The following IDO1 variants were observed in gnomAD, a reference collection of about 807,000 sequenced individuals.
The protein encoded by IDO1 is indolamine 2,3 dioxygenase.
Under a neutral mutation model 38.8 loss-of-function variants are expected in IDO1, and 35 were observed. That is an observed-to-expected ratio of 0.90 (90% CI 0.69 to 1.20). IDO1 has a LOEUF of 1.20. Among genes scored for constraint, IDO1 ranks in the 50% most tolerant of loss-of-function variants. IDO1 has a pLI of 0.00. For missense variants in IDO1, 509 were observed against 485.1 expected (o/e 1.05, Z -0.46); for synonymous variants, 171 against 170.0 (o/e 1.01, Z -0.05).
chr8:39,916,016 A>C (rs1807169759), intron 1 of IDO1, among the ~76,000 whole-genome samples: 1 of 151,786 alleles, frequency 6.6e-6, no homozygotes, highest in Non-Finnish European at 1.5e-5. Context: ...AAATACAAAA[A>C]TTCGCAGGGC....
At chr8:39,926,168 G>A (rs747575525) in intron 9 of IDO1, among the ~76,000 whole-genome samples, 16 of 152,032 alleles carry the variant, frequency 1.1e-4, no homozygotes, top group African/African-American at 2.9e-4. Flanking sequence ...GCCTAGGCAA[G>A]AGTGCGAGAC....
chr8:39,919,169 G>C (rs1188081017), intron 4 of IDO1: 1 of 640,998 alleles, frequency 1.6e-6, no homozygotes, highest in African/African-American at 1.8e-5. Flanking sequence ...TAAGTGTTCA[G>C]CTTGAATTTA....
At chr8:39,915,471 T>A (rs975310799) in intron 1 of IDO1, among the ~76,000 whole-genome samples, 1 of 152,218 alleles carries the variant, frequency 6.6e-6, no homozygotes, top group East Asian at 1.9e-4. Flanking sequence ...GTAAACAATT[T>A]GGTGATACTG....
rs184107472 is a variant in IDO1, at chr8:39,914,155, A to C, written c.87+146A>C. ...GTGTAAAAATTAGAGAGCTGTAATA[A>C]CTGCATCTCACTTAATTTGTCTTAC... On this transcript the variant is annotated intron_variant, in intron 1 of 9. Coordinates refer to ENST00000518237, the MANE Select transcript of IDO1 (RefSeq NM_002164.6). 8.5e-4 allele frequency: 500 copies of C among 586,702 alleles called. 5 individuals are homozygous for C. The Admixed American group carries it at 0.014, about 16-fold the overall frequency. 36.3% of individuals were successfully genotyped at this position (586,702 alleles called of 1,614,324 possible).
chr8:39,919,422 T>C (rs1216742156), intron 4 of IDO1, among the ~76,000 whole-genome samples: 1 of 152,172 alleles, frequency 6.6e-6, no homozygotes, highest in Non-Finnish European at 1.5e-5. Context: ...ATTAATTTAA[T>C]TTTTTAGCAG....
chr8:39,917,215 G>A (rs1395045776), intron 1 of IDO1, among the ~76,000 whole-genome samples: 2 of 152,180 alleles, frequency 1.3e-5, no homozygotes, highest in African/African-American at 4.8e-5. Context: ...ACCAAAGTAG[G>A]CCAGGCGCAG....
rs868679232 is a variant in IDO1 at position 39,928,461 on chromosome 8, C to T, written c.*276C>T. On this transcript the variant is annotated 3_prime_UTR_variant, in exon 10 of 10. Transcript: ENST00000518237. Reference sequence around the variant, plus strand: ...TAAGATATATTCTGTCGGCTGGGCGCGGTGGCTCACGCCTGTAATCCCAGC... The same window carrying T: ...TAAGATATATTCTGTCGGCTGGGCGTGGTGGCTCACGCCTGTAATCCCAGC... 1.3e-4 allele frequency: 30 copies of T among 239,402 alleles called. No individual in the cohort carries two copies. The South Asian group carries it at 1.5e-3, about 12-fold the overall frequency. The allele number at this position is 239,402 out of a possible 1,614,324, so 14.8% of individuals were successfully genotyped here.
Position 39,927,934 on chromosome 8 carries a change from C to T in IDO1, c.961C>T (p.Leu321Phe), listed in dbSNP as rs1320569305. 8.7e-6 allele frequency: 14 copies of T among 1,606,962 alleles called. No homozygotes were observed. Among genetic ancestry groups the T allele is most frequent in the Admixed American group, 1.7e-5 (1 of 58,986 alleles). The change falls in exon 10 of 10, where the codon CTT (leucine) becomes TTT (phenylalanine). Residue 321 changes from leucine to phenylalanine, a missense_variant. Transcript: ENST00000518237. ...AAATCCCTCAGTCCGTGAGTTTGTCCTTTCAAAAGGTGATGCTGGCCTGCG... is the reference window on the plus strand; with the variant it reads ...AAATCCCTCAGTCCGTGAGTTTGTCTTTTCAAAAGGTGATGCTGGCCTGCG... ...ESNPSVREFV[L>F]SKGDAGLREA... is the part of the protein sequence containing the mutation.
intron 5 of IDO1, chr8:39,921,017 T>C (rs1807263869): frequency 6.6e-6 from 1 of 152,130 alleles, no homozygotes; most frequent in South Asian, 2.1e-4. Context: ...GGGGGAACCC[T>C]TGAAGCAAGT....
At chr8:39,922,181 A>T (rs936367416) in intron 5 of IDO1, among the ~76,000 whole-genome samples, 1 of 152,120 alleles carries the variant, frequency 6.6e-6, no homozygotes, top group African/African-American at 2.4e-5. Flanking sequence ...TTGTATTCTT[A>T]GTAGAGACGG....
In IDO1 at chr8:39,925,374, G is replaced by A. The variant is rs1807344964; in HGVS notation, c.856+3G>A. Reference sequence around the variant, plus strand: ...CATCCAGCAGACTGCTGGTGGAGGTGAGTGGAAAATAACAAGAAATAATTA... The same window carrying A: ...CATCCAGCAGACTGCTGGTGGAGGTAAGTGGAAAATAACAAGAAATAATTA... On this transcript the variant is annotated splice_donor_region_variant and intron_variant, in intron 9 of 9. Coordinates refer to ENST00000518237, the MANE Select transcript of IDO1 (RefSeq NM_002164.6). The A allele has an allele frequency of 6.2e-7, 1 of 1,609,582 alleles. No individual in the cohort carries two copies. The highest frequency in any genetic ancestry group is 1.3e-5 in the African/African-American group (1 of 74,838).
intron 1 of IDO1, among the ~76,000 whole-genome samples, chr8:39,914,446 G>T (rs1209449394): frequency 2.0e-5 from 3 of 152,136 alleles, no homozygotes; most frequent in African/African-American, 4.8e-5. Flanking sequence ...TTTCTAATTT[G>T]ATGGGGTTTA....
intron 9 of IDO1, 148 bp downstream of exon 9, chr8:39,925,519 T>C: frequency 1.2e-6 from 1 of 801,646 alleles, no homozygotes; most frequent in Non-Finnish European, 1.9e-6. Flanking sequence ...GTTGCCATGA[T>C]CCCATTTTAA....
At chr8:39,927,173 C>T (rs1410857820) in intron 9 of IDO1, among the ~76,000 whole-genome samples, 2 of 152,214 alleles carry the variant, frequency 1.3e-5, no homozygotes, top group Non-Finnish European at 2.9e-5. Context: ...ATCTCTTAAA[C>T]TCTCTTAAGA....
chr8:39,916,910 T>C (rs1352992237), intron 1 of IDO1, among the ~76,000 whole-genome samples: 1 of 152,072 alleles, frequency 6.6e-6, no homozygotes, highest in Non-Finnish European at 1.5e-5. Flanking sequence ...ACCAAAAAAA[T>C]AAGATGTACT....
chr8:39,917,950 CTT>C lies in IDO1; in HGVS notation c.164_165del (p.Leu55ProfsTer5). On this transcript the variant is annotated frameshift_variant, in exon 2 of 10. Coordinates refer to ENST00000518237, the MANE Select transcript of IDO1 (RefSeq NM_002164.6). LOFTEE classifies it high-confidence loss of function. ...GCCTGATCTCATAGAGTCTGGCCAG[CTT>C]CGAGAAAGAGTTGAGAAGGTTTGAC... ...HLPDLIESGQLRERVEKLNML... is the reference protein window; with the variant it reads ...HLPDLIESGQXRERVEKLNML... 2 of 1,612,838 alleles carry C rather than the reference CTT, an allele frequency of 1.2e-6. No individual in the cohort carries two copies. The highest frequency in any genetic ancestry group is 1.7e-6 in the Non-Finnish European group (2 of 1,179,188).
intron 5 of IDO1, among the ~76,000 whole-genome samples, chr8:39,921,445 C>T (rs1807270271): frequency 1.3e-5 from 2 of 151,768 alleles, no homozygotes; most frequent in Admixed American, 1.3e-4. Context: ...AGAGTAAGAC[C>T]CCATCTCAAA....
chr8:39,918,763 A>AC lies in IDO1; in HGVS notation c.304-52_304-51insC. ...CTCCATCTCAAAAAAAAAAAAAAAAAAAAAAACAACAACAACAACAACAAA... is the reference window on the plus strand; with the variant it reads ...CTCCATCTCAAAAAAAAAAAAAAAAACAAAAAACAACAACAACAACAACAAA... On this transcript the variant is annotated intron_variant, in intron 3 of 9. Transcript: ENST00000518237. 6 of 747,200 alleles carry AC rather than the reference A, an allele frequency of 8.0e-6. No individual in the cohort carries two copies. In the Admixed American group the frequency reaches 1.4e-4, roughly 17 times the overall value. 46.3% of individuals were successfully genotyped at this position (747,200 alleles called of 1,614,324 possible).
intron 1 of IDO1, among the ~76,000 whole-genome samples, chr8:39,916,127 C>T (rs1807172115): frequency 6.6e-6 from 1 of 151,906 alleles, no homozygotes; most frequent in African/African-American, 2.4e-5. Flanking sequence ...GATCACGCCA[C>T]CGCACTCCAG....
Sources: allele counts gnomAD v4.1 joint callset (sites outside exome capture counted in the v4.1 genomes callset), GRCh38; gene constraint gnomAD v4.1.1; transcripts MANE v1.5; gene names NCBI Gene and HGNC (gene_info 2026-07-23, HGNC 2026-07-21).